GPC6: variants seen among roughly 807,000 people sequenced by gnomAD.
GPC6 encodes glypican 6.
In GPC6, 14 loss-of-function variants were observed where a neutral mutation model predicts 55.2. The ratio of observed to expected loss-of-function variants is 0.25; its 90% CI spans 0.17 to 0.40. The LOEUF (loss-of-function observed/expected upper bound fraction) is 0.40, where lower values mean the gene tolerates loss of function less well. Among genes scored for constraint, GPC6 ranks in the 10% least tolerant of loss-of-function variants. GPC6 has a pLI of 1.00. For synonymous variants in GPC6, 278 were observed against 259.6 expected (o/e 1.07, Z -0.68); for missense variants, 641 against 708.5 (o/e 0.90, Z 1.08).
intron 4 of GPC6, among the ~76,000 whole-genome samples, chr13:94,253,722 C>T (rs1003973496): frequency 5.9e-5 from 9 of 152,026 alleles, no homozygotes; most frequent in Admixed American, 5.2e-4. Context: ...CTCCAATCTT[C>T]GTACAAAAGA....
At chr13:93,318,504 C>A (rs545025417) in intron 1 of GPC6, among the ~76,000 whole-genome samples, 3 of 151,902 alleles carry the variant, frequency 2.0e-5, no homozygotes, top group Non-Finnish European at 4.4e-5. Flanking sequence ...TATCTCTATA[C>A]CCTCCTGAAT....
At chr13:93,711,112 G>A (rs750406162) in intron 2 of GPC6, among the ~76,000 whole-genome samples, 2 of 151,780 alleles carry the variant, frequency 1.3e-5, no homozygotes, top group Non-Finnish European at 2.9e-5. Flanking sequence ...TGATAAGCTA[G>A]AGATAAGGAG....
intron 5 of GPC6, among the ~76,000 whole-genome samples, chr13:94,291,223 A>AG (rs1050397242): frequency 6.6e-6 from 1 of 152,020 alleles, no homozygotes; most frequent in South Asian, 2.1e-4. Flanking sequence ...GAAAAAAAAA[A>AG]GGGATAATAT....
intron 4 of GPC6, among the ~76,000 whole-genome samples, 169 bp from the exon 5 acceptor site, chr13:94,286,180 A>G (rs1016929821): frequency 1.3e-5 from 2 of 152,242 alleles, no homozygotes; most frequent in African/African-American, 4.8e-5. Flanking sequence ...AACAAAATAC[A>G]ATCGTCCTAA....
At chr13:94,142,709 A>G (rs1292769852) in intron 4 of GPC6, among the ~76,000 whole-genome samples, 2 of 152,090 alleles carry the variant, frequency 1.3e-5, no homozygotes, top group Non-Finnish European at 2.9e-5. Flanking sequence ...TTATCTATAT[A>G]TAATATACAT....
At chr13:93,563,256 T>A (rs1032451039) in intron 2 of GPC6, among the ~76,000 whole-genome samples, 1 of 152,138 alleles carries the variant, frequency 6.6e-6, no homozygotes, top group African/African-American at 2.4e-5. Context: ...AAGATAGACC[T>A]AGTTATAGAT....
At chr13:93,878,907 A>T (rs997216429) in intron 3 of GPC6, among the ~76,000 whole-genome samples, 2 of 152,130 alleles carry the variant, frequency 1.3e-5, no homozygotes, top group African/African-American at 2.4e-5. Flanking sequence ...AGTTTTGGGT[A>T]AAGATATATT....
chr13:93,712,256 A>G (rs962390466), intron 2 of GPC6, among the ~76,000 whole-genome samples: 15 of 151,774 alleles, frequency 9.9e-5, no homozygotes, highest in African/African-American at 3.4e-4. Context: ...ATGCGCAAAA[A>G]TGCCAAGACA....
rs182374702 is a variant in GPC6, at chr13:93,535,767, C to T, written c.161-9496C>T. On this transcript the variant is annotated intron_variant, in intron 1 of 8. Transcript: ENST00000377047. ...TAATTGTCAGAATTTTAAGGAATAT[C>T]GGCAGGCTCAGATCAGTGGAAGAGA... Among the ~76,000 whole-genome samples, 93 of 150,980 alleles carry T rather than the reference C, an allele frequency of 6.2e-4. 2 individuals are homozygous for T. The highest frequency in any genetic ancestry group is 2.1e-3 in the African/African-American group (88 of 41,086).
chr13:93,927,155 T>G (rs1877904302), intron 3 of GPC6, among the ~76,000 whole-genome samples: 1 of 152,202 alleles, frequency 6.6e-6, no homozygotes, highest in Admixed American at 6.5e-5. Context: ...AGCCTAGAAT[T>G]AAGTAACTTT....
intron 1 of GPC6, among the ~76,000 whole-genome samples, chr13:93,484,160 GT>G (rs996730989): frequency 6.6e-6 from 1 of 151,204 alleles, no homozygotes; most frequent in African/African-American, 2.4e-5. Context: ...CATAGCAACA[GT>G]TTTTTTGGGT....
chr13:93,878,182 G>A (rs1369013848), intron 3 of GPC6, among the ~76,000 whole-genome samples: 1 of 152,024 alleles, frequency 6.6e-6, no homozygotes, highest in Non-Finnish European at 1.5e-5. Flanking sequence ...TGGTTTGAAT[G>A]TTTATGTTCC....
At chr13:94,244,356 T>C (rs1391224275) in intron 4 of GPC6, among the ~76,000 whole-genome samples, 1 of 152,168 alleles carries the variant, frequency 6.6e-6, no homozygotes, top group African/African-American at 2.4e-5. Flanking sequence ...CTGTGTGACC[T>C]CTGTCAAGGA....
intron 4 of GPC6, among the ~76,000 whole-genome samples, chr13:94,168,544 A>G (rs1888447569): frequency 6.6e-6 from 1 of 152,012 alleles, no homozygotes; most frequent in Non-Finnish European, 1.5e-5. Flanking sequence ...TTCGGGCCAG[A>G]GCCACATTAT....
intron 3 of GPC6, among the ~76,000 whole-genome samples, chr13:93,999,392 G>T (rs1205872960): frequency 6.6e-6 from 1 of 152,112 alleles, no homozygotes; most frequent in Non-Finnish European, 1.5e-5. Context: ...GTATTCCATG[G>T]TGCATATGTG....
chr13:93,780,081 A>G (rs1885589812), intron 2 of GPC6, among the ~76,000 whole-genome samples: 1 of 152,188 alleles, frequency 6.6e-6, no homozygotes, highest in Admixed American at 6.5e-5. Context: ...AATAAGGCCA[A>G]AGTAGTCCAA....
chr13:93,354,241 G>A (rs1319904865), intron 1 of GPC6, among the ~76,000 whole-genome samples: 6 of 152,020 alleles, frequency 3.9e-5, no homozygotes, highest in South Asian at 2.1e-4. Flanking sequence ...TGTACTGATC[G>A]GTGGCTGAGT....
chr13:93,345,437 C>T (rs939887515), intron 1 of GPC6, among the ~76,000 whole-genome samples: 1 of 151,874 alleles, frequency 6.6e-6, no homozygotes. Flanking sequence ...GGGGCTTGAG[C>T]CTATCTGCAT....
chr13:93,695,305 C>T (rs971307056), intron 2 of GPC6, among the ~76,000 whole-genome samples: 1 of 152,002 alleles, frequency 6.6e-6, no homozygotes, highest in African/African-American at 2.4e-5. Context: ...AGATTGACAG[C>T]AGTAGGTATA....
Sources: gnomAD v4.1 joint callset for allele counts (sites outside exome capture counted in the v4.1 genomes callset) on GRCh38, gnomAD v4.1.1 for gene constraint, MANE v1.5 for transcripts, NCBI Gene and HGNC (gene_info 2026-07-23, HGNC 2026-07-21) for gene names.